The following GRK4 variants were observed in gnomAD, a reference collection of about 807,000 sequenced individuals.
The protein encoded by GRK4 is G protein-coupled receptor kinase 4.
Under a neutral mutation model 77.9 loss-of-function variants are expected in GRK4, and 73 were observed. The observed-to-expected ratio is 0.94, with a 90% CI of 0.78 to 1.14. GRK4 has a LOEUF of 1.14. Ranked by LOEUF, GRK4 falls within the 50% of genes most tolerant of loss-of-function variation. The pLI, the probability that GRK4 is intolerant of heterozygous loss-of-function variation, is 0.00. For synonymous variants in GRK4, 257 were observed against 254.4 expected (o/e 1.01, Z -0.10); for missense variants, 729 against 700.2 (o/e 1.04, Z -0.46).
chr4:2,967,926 G>A (rs1417968391), intron 1 of GRK4, among the ~76,000 whole-genome samples: 1 of 152,030 alleles, frequency 6.6e-6, no homozygotes, highest in Non-Finnish European at 1.5e-5. Flanking sequence ...GAGTAGCTGG[G>A]ATTACAGGCA....
At chr4:2,996,812 CA>C (rs1328853849) in intron 4 of GRK4, among the ~76,000 whole-genome samples, 1 of 151,154 alleles carries the variant, frequency 6.6e-6, no homozygotes, top group East Asian at 1.9e-4. Flanking sequence ...TTTACTGAAA[CA>C]AAAAACAAAC....
At chr4:2,982,314 G>A (rs1436659272) in intron 1 of GRK4, among the ~76,000 whole-genome samples, 1 of 152,260 alleles carries the variant, frequency 6.6e-6, no homozygotes, top group Non-Finnish European at 1.5e-5. Flanking sequence ...TGGGAAGGTG[G>A]AAGCACTGGT....
At chr4:2,969,587 G>A (rs1468957162) in intron 1 of GRK4, among the ~76,000 whole-genome samples, 1 of 151,812 alleles carries the variant, frequency 6.6e-6, no homozygotes, top group Non-Finnish European at 1.5e-5. Flanking sequence ...TGTTGGTCAG[G>A]CTGGTCTCGA....
intron 10 of GRK4, among the ~76,000 whole-genome samples, chr4:3,026,418 C>T (rs1443712791): frequency 3.3e-5 from 5 of 152,134 alleles, no homozygotes; most frequent in African/African-American, 1.2e-4. Context: ...CATGTTAGCA[C>T]TCTACTTAAA....
At chr4:3,009,505 G>T in intron 6 of GRK4, 143 bp from the exon 7 acceptor site, 1 of 587,956 alleles carries the variant, frequency 1.7e-6, no homozygotes, top group Non-Finnish European at 3.1e-6. Flanking sequence ...CACAGTCCCT[G>T]AGCACAGACA....
chr4:3,029,458 T>C, intron 12 of GRK4, 49 bp downstream of exon 12: 1 of 1,514,546 alleles, frequency 6.6e-7, no homozygotes, highest in Non-Finnish European at 9.1e-7. Flanking sequence ...TCACTCATTC[T>C]AGTTGTTTTC....
At chr4:2,980,836 C>A (rs1268958684) in intron 1 of GRK4, among the ~76,000 whole-genome samples, 1 of 152,242 alleles carries the variant, frequency 6.6e-6, no homozygotes, top group Admixed American at 6.5e-5. Context: ...CACTGGGCTC[C>A]TTCCACCCAC....
chr4:3,005,993 G>C (rs1362769040), intron 5 of GRK4, among the ~76,000 whole-genome samples: 1 of 152,026 alleles, frequency 6.6e-6, no homozygotes, highest in Non-Finnish European at 1.5e-5. Flanking sequence ...CTCCTAACCA[G>C]GTGTATGGCA....
intron 1 of GRK4, among the ~76,000 whole-genome samples, chr4:2,982,903 T>G (rs978355260): frequency 6.6e-6 from 1 of 152,218 alleles, no homozygotes; most frequent in Non-Finnish European, 1.5e-5. Flanking sequence ...GGCAGGTGGT[T>G]GTTACATGTT....
At chr4:3,035,167 C>T (rs867783963) in intron 12 of GRK4, among the ~76,000 whole-genome samples, 1 of 151,970 alleles carries the variant, frequency 6.6e-6, no homozygotes. Context: ...ATGGCGTGAA[C>T]CCGGGAGGCT....
At chr4:2,965,106 T>G (rs1336435681) in intron 1 of GRK4, 3 of 605,834 alleles carry the variant, frequency 5.0e-6, no homozygotes, top group Non-Finnish European at 2.9e-6. Context: ...CTGCCTTTGT[T>G]TTGCTTCTGT....
chr4:2,982,443 G>A (rs1187442574), intron 1 of GRK4, among the ~76,000 whole-genome samples: 1 of 152,248 alleles, frequency 6.6e-6, no homozygotes, highest in African/African-American at 2.4e-5. Context: ...ACAAGAGAAA[G>A]CAGAGATAGT....
At chr4:2,978,399 A>G (rs140452747) in intron 1 of GRK4, among the ~76,000 whole-genome samples, 31 of 152,356 alleles carry the variant, frequency 2.0e-4, no homozygotes, top group African/African-American at 6.5e-4. Context: ...TTAATGAATG[A>G]ATTAGGGAGT....
chr4:2,971,924 A>T (rs1331079910), intron 1 of GRK4, among the ~76,000 whole-genome samples: 1 of 152,126 alleles, frequency 6.6e-6, no homozygotes, highest in African/African-American at 2.4e-5. Context: ...ATCATGTTGG[A>T]TTAGGGCCCA....
At chr4:3,036,679 G>A (rs1740732997) in intron 13 of GRK4, among the ~76,000 whole-genome samples, 1 of 152,226 alleles carries the variant, frequency 6.6e-6, no homozygotes, top group African/African-American at 2.4e-5. Flanking sequence ...GCCGGGATAG[G>A]AGCTGCAGAC....
intron 6 of GRK4, 131 bp downstream of exon 6, chr4:3,007,959 A>T: frequency 1.7e-6 from 1 of 574,990 alleles, no homozygotes; most frequent in East Asian, 2.9e-5. Context: ...GGGATGATCA[A>T]GCCTGTGAAT....
At chr4:2,994,706 G>A (rs1727274512) in intron 4 of GRK4, among the ~76,000 whole-genome samples, 1 of 152,176 alleles carries the variant, frequency 6.6e-6, no homozygotes, top group South Asian at 2.1e-4. Flanking sequence ...GGTTATACAT[G>A]TGTGGCTTGG....
intron 1 of GRK4, among the ~76,000 whole-genome samples, chr4:2,967,157 G>A (rs1717965051): frequency 6.6e-6 from 1 of 152,184 alleles, no homozygotes; most frequent in Non-Finnish European, 1.5e-5. Context: ...CACCAAATCT[G>A]TCTTGATCTT....
intron 4 of GRK4, among the ~76,000 whole-genome samples, chr4:2,996,955 C>A (rs1421159958): frequency 6.6e-6 from 1 of 152,120 alleles, no homozygotes; most frequent in Non-Finnish European, 1.5e-5. Context: ...TGCGGTGGCT[C>A]ATGCCTGTAA....
Sources: allele counts gnomAD v4.1 joint callset (sites outside exome capture counted in the v4.1 genomes callset), GRCh38; gene constraint gnomAD v4.1.1; transcripts MANE v1.5; gene names NCBI Gene and HGNC (gene_info 2026-07-23, HGNC 2026-07-21).